TRMT2B: variants seen among roughly 807,000 people sequenced by gnomAD.
TRMT2B encodes tRNA (uracil-5-)-methyltransferase homolog B.
TRMT2B carries 34 observed loss-of-function variants against 39.7 expected under a neutral mutation model. The ratio of observed to expected loss-of-function variants is 0.86; its 90% CI spans 0.65 to 1.14. TRMT2B has a LOEUF of 1.14. TRMT2B is among the 50% of genes most tolerant of loss of function. The probability of loss-of-function intolerance (pLI) is 0.00; values close to 1 mark genes in which losing one functional copy is unlikely to be tolerated. For missense variants in TRMT2B, 318 were observed against 377.2 expected (o/e 0.84, Z 1.30); for synonymous variants, 132 against 137.3 (o/e 0.96, Z 0.27).
At chrX:101,047,826 T>TA (rs1161789942) in intron 2 of TRMT2B, among the ~76,000 whole-genome samples, 60 of 98,810 alleles carry the variant, frequency 6.1e-4, no homozygotes, top group Middle Eastern at 4.9e-3. Context: ...GACTCCATCT[T>TA]AAAAAAAAAA....
intron 12 of TRMT2B, 77 bp downstream of exon 12, chrX:101,019,207 C>T: frequency 8.4e-7 from 1 of 1,188,290 alleles, no homozygotes; most frequent in Non-Finnish European, 1.1e-6. Flanking sequence ...CTGGGAGCAC[C>T]CGTAGCATGG....
At position 101,041,320 on chromosome X, in the gene TRMT2B, G is replaced by A. The variant is rs2148061181; in HGVS notation, c.300C>T (p.Leu100=). 1 of 1,209,660 alleles carries A rather than the reference G, an allele frequency of 8.3e-7. No individual in the cohort carries two copies. Among genetic ancestry groups the A allele is most frequent in the East Asian group, 3.0e-5 (1 of 33,851 alleles). The change falls in exon 4 of 14, where the codon CTC becomes CTT. Residue 100 remains leucine, a synonymous_variant. Transcript: ENST00000372936. ...AAGACTTAGGCTGGGCACCTACCTT[G>A]AGCTGTTCTTCATAGCTCAACCTCC... ...PLWRLSYEEQ[L]KVKFAAQKKI...
chrX:100,984,303 C>CT, the TRMT2B span, among the ~76,000 whole-genome samples: 1 of 102,584 alleles, frequency 9.7e-6, no homozygotes, highest in East Asian at 3.1e-4. Context: ...TTTTTTTTTT[C>CT]TTTTTTTGTA....
intron 7 of TRMT2B, among the ~76,000 whole-genome samples, chrX:101,033,843 C>CTT (rs770967318): frequency 2.1e-5 from 2 of 96,539 alleles, no homozygotes; most frequent in Admixed American, 2.3e-4. Flanking sequence ...TTAACATTTC[C>CTT]TTTTTTTTTT....
intron 2 of TRMT2B, among the ~76,000 whole-genome samples, chrX:101,046,227 G>T (rs2088663846): frequency 1.8e-5 from 2 of 110,485 alleles, no homozygotes. Context: ...AAGAGCAAAA[G>T]GCCAATGACT....
chrX:101,031,090 G>A (rs983418607), intron 7 of TRMT2B, among the ~76,000 whole-genome samples: 5 of 110,550 alleles, frequency 4.5e-5, no homozygotes, highest in African/African-American at 1.6e-4. Flanking sequence ...CCCTGTCTCA[G>A]CCCTGCAAGG....
the TRMT2B span, among the ~76,000 whole-genome samples, chrX:100,975,198 C>T: frequency 1.2e-4 from 13 of 112,135 alleles, no homozygotes; most frequent in African/African-American, 3.9e-4. Context: ...AACTTCATTT[C>T]CCATGCTCTC....
chrX:101,030,451 A>ATTTTTTTTTTTTTTTTTTTTT (rs1248355991), intron 7 of TRMT2B, among the ~76,000 whole-genome samples: 1 of 46,566 alleles, frequency 2.1e-5, no homozygotes, highest in Non-Finnish European at 3.9e-5. Context: ...ATAGATCTGC[A>ATTTTTTTTTTTTTTTTTTTTT]TTCTTTTTTT....
chrX:100,997,098 TAC>T, the TRMT2B span, among the ~76,000 whole-genome samples: 1 of 111,193 alleles, frequency 9.0e-6, no homozygotes, highest in Non-Finnish European at 1.9e-5. Flanking sequence ...GGTTGGTACT[TAC>T]AGTCAGTCAA....
rs1331925158 is a variant in TRMT2B, at chrX:101,042,020, A to AGGACATCAGCCTGAGGAGAGT, written c.248+21_248+22insACTCTCCTCAGGCTGATGTCC. On this transcript the variant is annotated intron_variant, in intron 3 of 13. Coordinates refer to ENST00000372936, the MANE Select transcript of TRMT2B (RefSeq NM_024917.6). ...ACAGATTGAGACCTGCTAAGGAGAG[A>AGGACATCAGCCTGAGGAGAGT]GGACATCAGCCTGGCCTTTACCTTT... The AGGACATCAGCCTGAGGAGAGT allele has an allele frequency of 4.1e-6, 5 of 1,207,134 alleles. No homozygotes were observed. In the African/African-American group the frequency reaches 8.7e-5, roughly 21 times the overall value.
chrX:101,002,117 C>A, the TRMT2B span, among the ~76,000 whole-genome samples: 1 of 111,488 alleles, frequency 9.0e-6, no homozygotes, highest in African/African-American at 3.3e-5. Flanking sequence ...CTGCAGCTGG[C>A]AACCTTCATT....
intron 2 of TRMT2B, among the ~76,000 whole-genome samples, chrX:101,046,109 G>T (rs1423593073): frequency 2.4e-4 from 22 of 92,755 alleles, no homozygotes; most frequent in Non-Finnish European, 1.0e-4. Context: ...TCACACCACT[G>T]CACTCCAGCC....
chrX:101,002,023 G>A, the TRMT2B span, among the ~76,000 whole-genome samples: 1 of 111,075 alleles, frequency 9.0e-6, no homozygotes, highest in African/African-American at 3.3e-5. Flanking sequence ...GACTCCAGTG[G>A]TGATGGGCTG....
chrX:101,046,164 A>AT (rs1300212890), intron 2 of TRMT2B, among the ~76,000 whole-genome samples: 1 of 109,095 alleles, frequency 9.2e-6, no homozygotes, highest in Non-Finnish European at 1.9e-5. Context: ...AAAAAAAAAA[A>AT]ATCAATCAAT....
chrX:101,003,378 C>T, the TRMT2B span, among the ~76,000 whole-genome samples: 1 of 102,258 alleles, frequency 9.8e-6, no homozygotes, highest in Non-Finnish European at 2.0e-5. Context: ...GATGGAGTTT[C>T]GCTCTTGTTG....
chrX:100,990,692 T>C, the TRMT2B span: 1 of 865,630 alleles, frequency 1.2e-6, no homozygotes, highest in Non-Finnish European at 1.7e-6. Context: ...CTGACAAAGC[T>C]TGTGGACAAT....
rs1187077088 is a variant in TRMT2B at position 101,042,198 on chromosome X, C to G, written c.92G>C (p.Trp31Ser). ...CCATCCTGGTGGATTTCTGGCATACCAGGGAAGCAGTCCTGGTTTGGAGAA... is the reference window on the plus strand; with the variant it reads ...CCATCCTGGTGGATTTCTGGCATACGAGGGAAGCAGTCCTGGTTTGGAGAA... The part of the protein sequence containing the change: ...GLFSKPGLLP[W>S]YARNPPGWSQ... The change falls in exon 3 of 14, where the codon TGG (tryptophan) becomes TCG (serine). Residue 31 changes from tryptophan to serine, a missense_variant. By Grantham distance (177) the Trp-to-Ser change is radical (BLOSUM62 -3). Transcript: ENST00000372936. The G allele has an allele frequency of 8.3e-7, 1 of 1,210,674 alleles. No homozygotes were observed. Among genetic ancestry groups the G allele is most frequent in the African/African-American group, 1.7e-5 (1 of 57,372 alleles).
chrX:101,019,113 T>C, intron 12 of TRMT2B, 43 bp from the exon 13 acceptor site: 1 of 1,093,105 alleles, frequency 9.1e-7, no homozygotes. Context: ...TTAACTACCA[T>C]GGTCTCTGTT....
chrX:101,026,337 C>T (rs1202064009), intron 7 of TRMT2B, among the ~76,000 whole-genome samples: 2 of 109,451 alleles, frequency 1.8e-5, no homozygotes, highest in East Asian at 2.9e-4. Context: ...ATTAGCCAGG[C>T]GTGGTGGCAC....
Sources: gnomAD v4.1 joint callset for allele counts (sites outside exome capture counted in the v4.1 genomes callset) on GRCh38, gnomAD v4.1.1 for gene constraint, MANE v1.5 for transcripts, NCBI Gene and HGNC (gene_info 2026-07-23, HGNC 2026-07-21) for gene names.